Variants in SUGCT observed in about 807,000 individuals in gnomAD.
SUGCT encodes the protein succinyl-CoA:glutarate CoA-transferase.
Under a neutral mutation model 55.0 loss-of-function variants are expected in SUGCT, and 41 were observed. That is an observed-to-expected ratio of 0.74 (90% CI 0.58 to 0.97). SUGCT has a LOEUF of 0.97. Among genes scored for constraint, SUGCT ranks in the 50% least tolerant of loss-of-function variants. The pLI is 0.00. For missense variants in SUGCT, 568 were observed against 547.8 expected, an observed-to-expected ratio of 1.04 and a Z score of -0.37; for synonymous variants, 187 against 200.4, an observed-to-expected ratio of 0.93 and a Z score of 0.56.
chr7:40,414,591 G>A (rs1390995450), intron 9 of SUGCT, among the ~76,000 whole-genome samples: 1 of 151,848 alleles, frequency 6.6e-6, no homozygotes, highest in African/African-American at 2.4e-5. Flanking sequence ...ATAATAATGG[G>A]TATTGTCACA....
chr7:40,861,412 A>G (rs765640161), downstream of SUGCT, among the ~76,000 whole-genome samples: 2 of 152,218 alleles, frequency 1.3e-5, no homozygotes, highest in Non-Finnish European at 2.9e-5. Flanking sequence ...TAAAGTATAA[A>G]AAACACCTGT....
intron 9 of SUGCT, among the ~76,000 whole-genome samples, chr7:40,415,230 A>T (rs1206786133): frequency 6.9e-6 from 1 of 145,770 alleles, no homozygotes; most frequent in Non-Finnish European, 1.5e-5. Context: ...CAATGGTGCC[A>T]CTGCACTCCA....
chr7:40,185,501 C>G (rs1334685868), intron 3 of SUGCT, among the ~76,000 whole-genome samples: 1 of 152,014 alleles, frequency 6.6e-6, no homozygotes, highest in Non-Finnish European at 1.5e-5. Flanking sequence ...TGGTATCGGG[C>G]TTTGTTCCTA....
chr7:40,436,243 A>G (rs1788171310), intron 9 of SUGCT, among the ~76,000 whole-genome samples: 1 of 151,956 alleles, frequency 6.6e-6, no homozygotes, highest in African/African-American at 2.4e-5. Context: ...ATACCTGGCC[A>G]TGACTGCTTC....
the SUGCT span, among the ~76,000 whole-genome samples, chr7:40,935,347 G>A: frequency 6.3e-4 from 96 of 152,104 alleles, no homozygotes; most frequent in Non-Finnish European, 1.1e-3. Context: ...CATTGAATTC[G>A]AGAACATTTT....
chr7:40,504,083 C>A (rs796297411), intron 12 of SUGCT, among the ~76,000 whole-genome samples: 1 of 152,060 alleles, frequency 6.6e-6, no homozygotes. Context: ...AAGATACGTT[C>A]GTCAAAGAGT....
chr7:40,271,317 G>A (rs577962807), intron 7 of SUGCT, among the ~76,000 whole-genome samples: 8 of 151,886 alleles, frequency 5.3e-5, no homozygotes, highest in Non-Finnish European at 1.2e-4. Flanking sequence ...AAATATATAG[G>A]CGGGGGTCTC....
At chr7:40,242,854 A>G (rs1423645051) in intron 7 of SUGCT, among the ~76,000 whole-genome samples, 1 of 141,288 alleles carries the variant, frequency 7.1e-6, no homozygotes, top group African/African-American at 2.6e-5. Flanking sequence ...CCCTTAGTAA[A>G]CAATTATGTT....
chr7:40,396,659 C>G (rs1000929549), intron 9 of SUGCT, among the ~76,000 whole-genome samples: 2 of 152,206 alleles, frequency 1.3e-5, no homozygotes, highest in Non-Finnish European at 2.9e-5. Context: ...CACATGCATA[C>G]AAATGTGTTT....
At chr7:40,173,863 T>C (rs898574804) in intron 1 of SUGCT, among the ~76,000 whole-genome samples, 3 of 149,180 alleles carry the variant, frequency 2.0e-5, no homozygotes, top group African/African-American at 7.3e-5. Flanking sequence ...ATATATAATG[T>C]ATTATATATA....
At chr7:40,993,869 C>T in the SUGCT span, among the ~76,000 whole-genome samples, 1,384 of 152,198 alleles carry the variant, frequency 9.1e-3, 17 homozygotes, top group Middle Eastern at 0.051. Flanking sequence ...TTCTAGTAAT[C>T]CTATTATCAG....
chr7:40,563,948 T>A, intron 12 of SUGCT, among the ~76,000 whole-genome samples: 1 of 152,106 alleles, frequency 6.6e-6, no homozygotes, highest in East Asian at 1.9e-4. Flanking sequence ...AATACAGATA[T>A]CAGTCCTTAA....
chr7:40,811,065 G>C (rs1012193184), intron 13 of SUGCT, among the ~76,000 whole-genome samples: 2 of 152,250 alleles, frequency 1.3e-5, no homozygotes, highest in African/African-American at 2.4e-5. Context: ...AAGATCAGAT[G>C]GCTATAGGTA....
At chr7:40,192,282 A>G (rs1785962785) in intron 5 of SUGCT, among the ~76,000 whole-genome samples, 1 of 152,170 alleles carries the variant, frequency 6.6e-6, no homozygotes, top group Non-Finnish European at 1.5e-5. Flanking sequence ...TTTGTCAGCT[A>G]GGCTAACCAA....
the SUGCT span, chr7:40,965,458 T>C: frequency 1.3e-5 from 2 of 152,136 alleles, no homozygotes; most frequent in Non-Finnish European, 1.5e-5. Flanking sequence ...TCTGAAAAAA[T>C]AGGCAGAGTT....
intron 12 of SUGCT, among the ~76,000 whole-genome samples, chr7:40,720,156 A>G (rs1786251416): frequency 6.6e-6 from 1 of 152,184 alleles, no homozygotes; most frequent in African/African-American, 2.4e-5. Flanking sequence ...ACCTTGGGTA[A>G]GTCACTTAAC....
chr7:40,662,202 G>T (rs1227197411), intron 12 of SUGCT, among the ~76,000 whole-genome samples: 2 of 152,100 alleles, frequency 1.3e-5, no homozygotes, highest in African/African-American at 4.8e-5. Flanking sequence ...AGTCCTGTTG[G>T]TTCAACCTCC....
rs961535750 is a variant in SUGCT at position 40,420,806 on chromosome 7, C to A, written c.817-28481C>A. Among the ~76,000 whole-genome samples, 4 of 152,048 alleles carry A rather than the reference C, an allele frequency of 2.6e-5. No individual in the cohort carries two copies. The South Asian group carries it at 8.3e-4, about 32-fold the overall frequency. ...GTACCCCAGGATACACACACAGACACACACACACACATGCACACACCCACA... is the reference window on the plus strand; with the variant it reads ...GTACCCCAGGATACACACACAGACAAACACACACACATGCACACACCCACA... On this transcript the variant is annotated intron_variant, in intron 9 of 13. Coordinates refer to ENST00000335693, the MANE Select transcript of SUGCT (RefSeq NM_001193313.2).
chr7:40,666,780 A>T (rs1801664837), intron 12 of SUGCT, among the ~76,000 whole-genome samples: 1 of 152,170 alleles, frequency 6.6e-6, no homozygotes, highest in South Asian at 2.1e-4. Flanking sequence ...GACGGGTACA[A>T]CATAAAGAAG....
Sources: gnomAD v4.1 joint callset for allele counts (sites outside exome capture counted in the v4.1 genomes callset) on GRCh38, gnomAD v4.1.1 for gene constraint, MANE v1.5 for transcripts, NCBI Gene and HGNC (gene_info 2026-07-23, HGNC 2026-07-21) for gene names.